The following ANGPTL6 variants were observed in gnomAD, a reference collection of about 807,000 sequenced individuals.
ANGPTL6 encodes the protein angiopoietin like 6.
A neutral mutation model predicts 47.4 loss-of-function variants in ANGPTL6; 45 were observed. The observed-to-expected ratio is 0.95, with a 90% confidence interval of 0.75 to 1.22. The LOEUF (loss-of-function observed/expected upper bound fraction) is 1.22, where lower values mean the gene tolerates loss of function less well. Ranked by LOEUF, ANGPTL6 falls within the 50% of genes most tolerant of loss-of-function variation. The pLI, the probability that ANGPTL6 is intolerant of heterozygous loss-of-function variation, is 0.00. For missense variants in ANGPTL6, 698 were observed against 669.4 expected, an observed-to-expected ratio of 1.04 and a Z score of -0.47; for synonymous variants, 290 against 295.9, an observed-to-expected ratio of 0.98 and a Z score of 0.20.
chr19:10,095,046 G>A, intron 2 of ANGPTL6, 108 bp from the exon 3 acceptor site: 5 of 1,200,844 alleles, frequency 4.2e-6, no homozygotes, highest in Non-Finnish European at 3.4e-6. Flanking sequence ...AAATGACCTG[G>A]ACATCTGGCA....
At chr19:10,098,824 C>CAA (rs951679349) in intron 1 of ANGPTL6, among the ~76,000 whole-genome samples, 1 of 141,762 alleles carries the variant, frequency 7.1e-6, no homozygotes, top group Admixed American at 7.1e-5. Flanking sequence ...AACACTGTCT[C>CAA]AAAAAAAAAA....
upstream of ANGPTL6, among the ~76,000 whole-genome samples, chr19:10,105,929 G>T (rs1353779595): frequency 2.6e-5 from 4 of 152,212 alleles, no homozygotes; most frequent in Non-Finnish European, 5.9e-5. Context: ...AGCTGGCCCA[G>T]AGGAGTTGCG....
At chr19:10,099,645 C>T (rs1261985065) in intron 1 of ANGPTL6, among the ~76,000 whole-genome samples, 1 of 151,398 alleles carries the variant, frequency 6.6e-6, no homozygotes, top group Admixed American at 6.6e-5. Context: ...CTCCCAGGCC[C>T]TTCCTCACAC....
upstream of ANGPTL6, chr19:10,106,128 G>T: frequency 1.7e-6 from 1 of 593,432 alleles, no homozygotes; most frequent in Non-Finnish European, 2.9e-6. Context: ...CCAGCTGGAG[G>T]AAATGGGCCG....
chr19:10,094,892 A>G lies in ANGPTL6; in HGVS notation c.629T>C (p.Val210Ala). 2 of 1,613,802 alleles carry G rather than the reference A, an allele frequency of 1.2e-6. No individual in the cohort carries two copies. The highest frequency in any genetic ancestry group is 1.1e-5 in the South Asian group (1 of 91,070). ...PLVPVVPVRL[V>A]GSTSDTSRML... ...CCTACTGGTGTCACTGGTGCTACCC[A>G]CAAGACGGACCGGAACCACAGGCAC... is the stretch of plus-strand genomic sequence containing the variant. Residue 210 changes from valine (V) to alanine (A), a missense_variant, in exon 3 of 6, where the codon GTG (valine) becomes GCG (alanine). By Grantham distance (64) the Val-to-Ala change is moderately conservative. Transcript: ENST00000253109.
chr19:10,096,689 A>C, intron 1 of ANGPTL6, 116 bp from the exon 2 acceptor site: 1 of 788,468 alleles, frequency 1.3e-6, no homozygotes, highest in South Asian at 2.1e-5. Flanking sequence ...CCATAATTTC[A>C]GTCCCCATCT....
intron 1 of ANGPTL6, among the ~76,000 whole-genome samples, chr19:10,097,840 G>A (rs576024627): frequency 6.8e-5 from 10 of 146,706 alleles, no homozygotes; most frequent in South Asian, 4.3e-4. Flanking sequence ...GTGACTGAGC[G>A]AGACTCCATC....
chr19:10,105,721 A>G (rs926297818), upstream of ANGPTL6, among the ~76,000 whole-genome samples: 6 of 152,118 alleles, frequency 3.9e-5, no homozygotes, highest in African/African-American at 1.4e-4. Context: ...TGTTCAGCCC[A>G]GTGAGGGGGT....
intron 3 of ANGPTL6, among the ~76,000 whole-genome samples, chr19:10,094,183 G>T (rs2088470371): frequency 6.6e-6 from 1 of 151,588 alleles, no homozygotes; most frequent in South Asian, 2.1e-4. Flanking sequence ...GTCTCGCTCT[G>T]TCACTCAGGC....
Position 10,094,740 on chromosome 19 carries a change from GC to G in ANGPTL6, c.763+17del. ...ATTTTCCTCTACCCACAATTCCTCA[GC>G]CCTAATGTCGACTTACCCACAGGCT... On this transcript the variant is annotated intron_variant, in intron 3 of 5. Transcript: ENST00000253109. The G allele has an allele frequency of 6.2e-7, 1 of 1,614,126 alleles. No homozygotes were observed. The highest frequency in any genetic ancestry group is 8.5e-7 in the Non-Finnish European group (1 of 1,180,014).
chr19:10,096,384 G>C lies in ANGPTL6; in HGVS notation c.180C>G (p.Ser60Arg), dbSNP rs2088541108. 3 of 1,300,196 alleles carry C rather than the reference G, an allele frequency of 2.3e-6. No homozygotes were observed. Among genetic ancestry groups the C allele is most frequent in the African/African-American group, 1.5e-5 (1 of 64,700 alleles). The allele number at this position is 1,300,196 out of a possible 1,614,324, so 80.5% of individuals were successfully genotyped here. A position where few individuals can be genotyped will look rare whatever the true frequency, so the allele number is the denominator to read the frequency against. ...CGCGCATGCGCAGCGCCGCCAGCTC[G>C]CTGGCGTTGGCGGCCTCGGGCGTCG... ...TRATPEAANA[S>R]ELAALRMRVG... The change falls in exon 2 of 6, where the codon AGC becomes AGG. Residue 60 changes from serine to arginine, a missense_variant. Ser to Arg is a moderately radical substitution (Grantham distance 110). Coordinates refer to ENST00000253109, the MANE Select transcript of ANGPTL6 (RefSeq NM_031917.3).
chr19:10,096,428 C>G lies in ANGPTL6; in HGVS notation c.136G>C (p.Gly46Arg). 1 of 1,354,006 alleles carries G rather than the reference C, an allele frequency of 7.4e-7. No individual in the cohort carries two copies. Among genetic ancestry groups the G allele is most frequent in the Non-Finnish European group, 9.5e-7 (1 of 1,057,268 alleles). 83.9% of individuals were successfully genotyped at this position (1,354,006 alleles called of 1,614,324 possible). A position where few individuals can be genotyped will look rare whatever the true frequency, so the allele number is the denominator to read the frequency against. ...QKFTGAVCWS[G>R]PASTRATPEA... The stretch of plus-strand genomic sequence containing the variant: ...GGCGTCGCCCGCGTGGATGCGGGGC[C>G]GCTCCAGCACACAGCGCCCGTGAAC... Residue 46 changes from glycine (G) to arginine (R), a missense_variant, in exon 2 of 6, where the codon GGC (glycine) becomes CGC (arginine). Gly to Arg is a moderately radical substitution (Grantham distance 125). Coordinates refer to ENST00000253109, the MANE Select transcript of ANGPTL6 (RefSeq NM_031917.3).
upstream of ANGPTL6, among the ~76,000 whole-genome samples, chr19:10,104,345 TGTAGTTTTA>T (rs1460164344): frequency 2.0e-5 from 3 of 151,676 alleles, no homozygotes; most frequent in African/African-American, 7.3e-5. Context: ...TGTGTGTGTG[TGTAGTTTTA>T]TGGTTCTGAG....
chr19:10,096,527 G>A lies in ANGPTL6; in HGVS notation c.37C>T (p.Leu13Phe). 1 of 1,515,252 alleles carries A rather than the reference G, an allele frequency of 6.6e-7. No homozygotes were observed. The highest frequency in any genetic ancestry group is 8.8e-7 in the Non-Finnish European group (1 of 1,138,364). 93.9% of individuals were successfully genotyped at this position (1,515,252 alleles called of 1,614,324 possible). ...KPWLRALQLL[L>F]LLGASWARAG... ...CGCGCCCACGACGCGCCCAGCAGGA[G>A]CAGCAGCTGTAGCGCACGCAGCCAG... The change falls in exon 2 of 6, where the codon CTC (leucine) becomes TTC (phenylalanine). Residue 13 changes from leucine to phenylalanine, a missense_variant. By Grantham distance (22) the Leu-to-Phe change is conservative. Coordinates refer to ENST00000253109, the MANE Select transcript of ANGPTL6 (RefSeq NM_031917.3).
chr19:10,095,773 G>GGATC (rs2088513868), intron 2 of ANGPTL6, among the ~76,000 whole-genome samples: 1 of 152,148 alleles, frequency 6.6e-6, no homozygotes, highest in African/African-American at 2.4e-5. Context: ...TTTAATTATA[G>GGATC]GATCCTATGA....
chr19:10,102,265 G>A (rs1359032556), intron 1 of ANGPTL6, among the ~76,000 whole-genome samples: 3 of 151,632 alleles, frequency 2.0e-5, no homozygotes, highest in East Asian at 1.9e-4. Context: ...CTCTGAGTCA[G>A]GCAGGAGCCA....
upstream of ANGPTL6, among the ~76,000 whole-genome samples, chr19:10,103,621 AAATAATAAATAAAT>A (rs1568477086): frequency 1.7e-5 from 1 of 60,064 alleles, no homozygotes; most frequent in African/African-American, 4.8e-5. Flanking sequence ...ATAAATAAAT[AAATAATAAATAAAT>A]AATAATAAAG....
upstream of ANGPTL6, among the ~76,000 whole-genome samples, chr19:10,103,624 T>TAAATAAATAAATAAATA (rs35700641): frequency 1.6e-5 from 2 of 126,082 alleles, no homozygotes; most frequent in African/African-American, 2.9e-5. Context: ...AATAAATAAA[T>TAAATAAATAAATAAATA]AATAAATAAA....
upstream of ANGPTL6, among the ~76,000 whole-genome samples, chr19:10,103,559 A>G (rs552929984): frequency 1.7e-4 from 26 of 151,082 alleles, no homozygotes; most frequent in African/African-American, 4.8e-4. Context: ...AACCGCATGC[A>G]CTCCAGCCTG....
Sources: gnomAD v4.1 joint callset for allele counts (sites outside exome capture counted in the v4.1 genomes callset) on GRCh38, gnomAD v4.1.1 for gene constraint, MANE v1.5 for transcripts, NCBI Gene and HGNC (gene_info 2026-07-23, HGNC 2026-07-21) for gene names.